Variants in CCDC141 observed in about 807,000 individuals in gnomAD.
CCDC141 encodes the protein coiled-coil domain-containing protein 141.
A neutral mutation model predicts 181.0 loss-of-function variants in CCDC141; 168 were observed. The observed-to-expected ratio is 0.93, with a 90% CI of 0.82 to 1.05. CCDC141 has a LOEUF of 1.05. Among genes scored for constraint, CCDC141 ranks in the 50% least tolerant of loss-of-function variants. CCDC141 has a pLI of 0.00. For synonymous variants in CCDC141, 666 were observed against 642.3 expected, an observed-to-expected ratio of 1.04 and a Z score of -0.56; for missense variants, 1,902 against 1,788.5, an observed-to-expected ratio of 1.06 and a Z score of -1.14.
intron 7 of CCDC141, among the ~76,000 whole-genome samples, chr2:178,907,784 A>T (rs925519623): frequency 1.3e-5 from 2 of 152,154 alleles, no homozygotes; most frequent in African/African-American, 4.8e-5. Flanking sequence ...ACTTGAGGTC[A>T]GGAGTTCAAG....
chr2:178,888,740 G>A, intron 8 of CCDC141, 72 bp from the exon 9 acceptor site: 4 of 1,495,142 alleles, frequency 2.7e-6, no homozygotes, highest in East Asian at 2.5e-5. Flanking sequence ...AAACAGATCT[G>A]CTCTCATGTT....
chr2:178,869,417 C>A (rs80271311), intron 14 of CCDC141, 112 bp from the exon 15 acceptor site: 1 of 751,672 alleles, frequency 1.3e-6, no homozygotes, highest in Non-Finnish European at 2.0e-6. Context: ...TTAACAAATA[C>A]TTATTATGAA....
At chr2:178,956,016 G>A (rs1690148000) in intron 5 of CCDC141, among the ~76,000 whole-genome samples, 1 of 152,140 alleles carries the variant, frequency 6.6e-6, no homozygotes, top group Non-Finnish European at 1.5e-5. Context: ...TTTCAGACAT[G>A]ATGGTAACAA....
chr2:178,984,427 C>G (rs1032108760), intron 2 of CCDC141, among the ~76,000 whole-genome samples: 33 of 151,562 alleles, frequency 2.2e-4, no homozygotes, highest in Middle Eastern at 3.4e-3. Context: ...AAATCACCAG[C>G]TAACATCATA....
Position 178,869,205 on chromosome 2 carries a change from A to G in CCDC141, c.2306T>C (p.Ile769Thr). Residue 769 changes from isoleucine (I) to threonine (T), a missense_variant, in exon 15 of 24, where the codon ATT (isoleucine) becomes ACT (threonine). Transcript: ENST00000443758. ...CTCTTTCTGTTTTTGATGGAAGTGA[A>G]TAAGGTCCTTCAGTTGTTGAGACTT... ...KEKSQQLKDL[I>T]HFHQKQKERI... The G allele has an allele frequency of 6.2e-7, 1 of 1,613,736 alleles. No individual in the cohort carries two copies. Among genetic ancestry groups the G allele is most frequent in the Non-Finnish European group, 8.5e-7 (1 of 1,179,798 alleles).
chr2:179,047,431 G>T, intron 1 of CCDC141, 25 bp from the exon 2 acceptor site: 1 of 1,481,026 alleles, frequency 6.8e-7, no homozygotes, highest in Non-Finnish European at 8.9e-7. Flanking sequence ...TAAATAAAAT[G>T]CACTTTTAGT....
Position 178,870,139 on chromosome 2 carries a change from C to G in CCDC141, c.2206-834G>C, listed in dbSNP as rs192347358. 3.2e-4 allele frequency among the ~76,000 whole-genome samples: 46 copies of G among 142,484 alleles called. No individual in the cohort carries two copies. In the East Asian group the frequency reaches 9.3e-3, roughly 29 times the overall value. The allele number at this position is 142,484 out of a possible 152,430, so 93.5% of individuals were successfully genotyped here. A position where few individuals can be genotyped will look rare whatever the true frequency, so the allele number is the denominator to read the frequency against. On this transcript the variant is annotated intron_variant, in intron 14 of 23. Coordinates refer to ENST00000443758, the MANE Select transcript of CCDC141 (RefSeq NM_173648.4). ...CCCAGCTACCCCAGAGGCTGAGACA[C>G]GAGAATCACTTGAACCTGGGAGGCG... is the stretch of plus-strand genomic sequence containing the variant.
intron 11 of CCDC141, among the ~76,000 whole-genome samples, chr2:178,883,251 G>A (rs1283020531): frequency 6.6e-6 from 1 of 152,100 alleles, no homozygotes; most frequent in Admixed American, 6.6e-5. Context: ...GGAATAGTTT[G>A]GAACTTGCCA....
Position 178,985,644 on chromosome 2 carries a change from G to A in CCDC141, c.226-6969C>T, listed in dbSNP as rs200363291. On this transcript the variant is annotated intron_variant, in intron 2 of 23. Coordinates refer to ENST00000443758, the MANE Select transcript of CCDC141 (RefSeq NM_173648.4). Reference sequence around the variant, plus strand: ...AAATGATAAAGGGGATATCACCACCGATCCCACAGAAATACAAACTACCAT... The same window carrying A: ...AAATGATAAAGGGGATATCACCACCAATCCCACAGAAATACAAACTACCAT... Among the ~76,000 whole-genome samples, 281 of 152,004 alleles carry A rather than the reference G, an allele frequency of 1.8e-3. 4 individuals carry two copies. The East Asian group carries it at 0.05, about 27-fold the overall frequency.
At chr2:179,047,048 C>G (rs1229996784) in intron 2 of CCDC141, among the ~76,000 whole-genome samples, 1 of 152,208 alleles carries the variant, frequency 6.6e-6, no homozygotes, top group East Asian at 1.9e-4. Flanking sequence ...ACTCATTTCT[C>G]CACAGTGAAA....
intron 8 of CCDC141, among the ~76,000 whole-genome samples, chr2:178,896,254 C>A (rs533270977): frequency 1.3e-5 from 2 of 152,342 alleles, no homozygotes; most frequent in Admixed American, 6.5e-5. Flanking sequence ...TTCACCCTTT[C>A]ATTTGGCCTG....
At chr2:178,853,369 C>T (rs1041217109) in intron 20 of CCDC141, 72 bp downstream of exon 20, 13 of 1,374,176 alleles carry the variant, frequency 9.5e-6, no homozygotes, top group Non-Finnish European at 1.1e-5. Context: ...CACACTCTTG[C>T]TGTCTACTGG....
intron 2 of CCDC141, among the ~76,000 whole-genome samples, chr2:178,984,438 A>G (rs893164155): frequency 6.6e-6 from 1 of 152,094 alleles, no homozygotes; most frequent in African/African-American, 2.4e-5. Flanking sequence ...TAACATCATA[A>G]TGACAGGATC....
intron 6 of CCDC141, among the ~76,000 whole-genome samples, chr2:178,930,698 A>G: frequency 6.6e-6 from 1 of 152,126 alleles, no homozygotes; most frequent in Non-Finnish European, 1.5e-5. Context: ...AAGTCCTTCA[A>G]CAGAGAAAGA....
Position 178,884,662 on chromosome 2 carries a change from G to A in CCDC141, c.1719+239C>T, listed in dbSNP as rs10445768. 0.085 allele frequency among the ~76,000 whole-genome samples: 12,880 copies of A among 152,098 alleles called. 623 individuals are homozygous for A. The highest frequency in any genetic ancestry group is 0.13 in the African/African-American group (5,497 of 41,472). ...TTTGGAAAACGCACAGGTCACAGGTGCTCCTGGGATTTTAATTTTTTCCCA... is the reference window on the plus strand; with the variant it reads ...TTTGGAAAACGCACAGGTCACAGGTACTCCTGGGATTTTAATTTTTTCCCA... On this transcript the variant is annotated intron_variant, in intron 11 of 23. Transcript: ENST00000443758.
chr2:178,845,610 A>G lies in CCDC141; in HGVS notation c.3474+16T>C. On this transcript the variant is annotated intron_variant, in intron 22 of 23. Coordinates refer to ENST00000443758, the MANE Select transcript of CCDC141 (RefSeq NM_173648.4). Reference sequence around the variant, plus strand: ...GCAAAAGTCCTCAATAGCTGAGGTTAAGTAGTTTTCTTTACCTTATTCCTT... The same window carrying G: ...GCAAAAGTCCTCAATAGCTGAGGTTGAGTAGTTTTCTTTACCTTATTCCTT... 3 of 1,361,380 alleles carry G rather than the reference A, an allele frequency of 2.2e-6. No homozygotes were observed. The highest frequency in any genetic ancestry group is 3.2e-6 in the Non-Finnish European group (3 of 950,382). The allele number at this position is 1,361,380 out of a possible 1,614,324, so 84.3% of individuals were successfully genotyped here. A position where few individuals can be genotyped will look rare whatever the true frequency, so the allele number is the denominator to read the frequency against.
chr2:178,854,463 G>C (rs897256379), intron 19 of CCDC141, among the ~76,000 whole-genome samples: 1 of 152,172 alleles, frequency 6.6e-6, no homozygotes, highest in Non-Finnish European at 1.5e-5. Flanking sequence ...GGCAGAGCTT[G>C]CAGTGAGTCG....
intron 12 of CCDC141, chr2:178,876,543 C>A (rs1205849848): frequency 6.6e-6 from 1 of 152,168 alleles, no homozygotes; most frequent in East Asian, 1.9e-4. Flanking sequence ...TTGAGAAAGT[C>A]TCCCATTATA....
In CCDC141 at chr2:179,001,671, G is replaced by C; in HGVS notation, c.226-22996C>G. ...ATGGCAGGATTAACAGAGCCAAGAAGACAAAAGACATTACGGAGTTTGATG... is the reference window on the plus strand; with the variant it reads ...ATGGCAGGATTAACAGAGCCAAGAACACAAAAGACATTACGGAGTTTGATG... On this transcript the variant is annotated intron_variant, in intron 2 of 23. Transcript: ENST00000443758. 1.3e-5 allele frequency: 2 copies of C among 152,210 alleles called. 1 individual carries two copies. The highest frequency in any genetic ancestry group is 2.9e-5 in the Non-Finnish European group (2 of 68,060). The allele number at this position is 152,210 out of a possible 1,614,324, so 9.4% of individuals were successfully genotyped here. A position where few individuals can be genotyped will look rare whatever the true frequency, so the allele number is the denominator to read the frequency against.
Sources: gnomAD v4.1 joint callset for allele counts (sites outside exome capture counted in the v4.1 genomes callset) on GRCh38, gnomAD v4.1.1 for gene constraint, MANE v1.5 for transcripts, NCBI Gene and HGNC (gene_info 2026-07-23, HGNC 2026-07-21) for gene names.